The following ZNF33B variants were observed in gnomAD, a reference collection of about 807,000 sequenced individuals.
ZNF33B encodes the protein zinc finger protein 11b (KOX 2).
ZNF33B carries 29 observed loss-of-function variants against 45.8 expected under a neutral mutation model. The ratio of observed to expected loss-of-function variants is 0.63; its 90% confidence interval spans 0.47 to 0.86. The LOEUF (loss-of-function observed/expected upper bound fraction) is 0.86. ZNF33B is among the 40% of genes least tolerant of loss of function. The probability of loss-of-function intolerance (pLI) is 0.00; values close to 1 mark genes in which losing one functional copy is unlikely to be tolerated. For missense variants in ZNF33B, 831 were observed against 909.9 expected, an observed-to-expected ratio of 0.91 and a Z score of 1.12; for synonymous variants, 305 against 307.8, an observed-to-expected ratio of 0.99 and a Z score of 0.10.
At chr10:42,604,717 C>T (rs570316796) in intron 4 of ZNF33B, among the ~76,000 whole-genome samples, 1 of 152,054 alleles carries the variant, frequency 6.6e-6, no homozygotes, top group Non-Finnish European at 1.5e-5. Context: ...AGTTCGAGAC[C>T]AGCCTGACCA....
intron 4 of ZNF33B, among the ~76,000 whole-genome samples, chr10:42,630,805 C>T (rs1286884756): frequency 6.6e-6 from 1 of 152,090 alleles, no homozygotes; most frequent in African/African-American, 2.4e-5. Flanking sequence ...TGAAAATCTA[C>T]CACTAAACAG....
intron 4 of ZNF33B, among the ~76,000 whole-genome samples, chr10:42,605,502 G>C (rs1837804471): frequency 6.6e-6 from 1 of 152,080 alleles, no homozygotes; most frequent in South Asian, 2.1e-4. Context: ...TTGCAAAACA[G>C]AGGGTGAAAA....
intron 4 of ZNF33B, among the ~76,000 whole-genome samples, chr10:42,627,041 T>G (rs889015432): frequency 1.3e-5 from 2 of 151,970 alleles, no homozygotes; most frequent in African/African-American, 4.8e-5. Flanking sequence ...TTTGCTCTGT[T>G]GCCCAGGCTA....
At chr10:42,607,576 A>T (rs1837916524) in intron 4 of ZNF33B, among the ~76,000 whole-genome samples, 1 of 152,170 alleles carries the variant, frequency 6.6e-6, no homozygotes, top group Non-Finnish European at 1.5e-5. Context: ...GCAGAAATAA[A>T]AGGAATAGAG....
chr10:42,632,210 G>A, intron 3 of ZNF33B, 85 bp downstream of exon 3: 3 of 1,543,800 alleles, frequency 1.9e-6, no homozygotes, highest in Non-Finnish European at 2.6e-6. Flanking sequence ...CCTAAATAAT[G>A]TCATTAAACT....
intron 4 of ZNF33B, among the ~76,000 whole-genome samples, chr10:42,599,176 A>G (rs1837520412): frequency 6.6e-6 from 1 of 152,042 alleles, no homozygotes; most frequent in South Asian, 2.1e-4. Flanking sequence ...GTGATACATC[A>G]TTCTTATTTT....
chr10:42,638,334 A>G (rs1478313161), intron 1 of ZNF33B, 140 bp downstream of exon 1: 2 of 310,728 alleles, frequency 6.4e-6, no homozygotes, highest in African/African-American at 2.2e-5. Flanking sequence ...CCTGGTAGAC[A>G]TGCTGCAGCC....
At chr10:42,620,205 G>C (rs1455273449) in intron 4 of ZNF33B, among the ~76,000 whole-genome samples, 1 of 134,006 alleles carries the variant, frequency 7.5e-6, no homozygotes, top group Non-Finnish European at 1.5e-5. Context: ...AACAGAGCAA[G>C]ACTTTGGTCT....
downstream of ZNF33B, among the ~76,000 whole-genome samples, chr10:42,586,332 G>A (rs1401556602): frequency 2.0e-5 from 3 of 152,020 alleles, no homozygotes; most frequent in Non-Finnish European, 2.9e-5. Flanking sequence ...TGTATTTTTA[G>A]TAGAGACGGG....
intron 4 of ZNF33B, among the ~76,000 whole-genome samples, chr10:42,611,898 G>A (rs1279899346): frequency 1.3e-5 from 2 of 152,166 alleles, no homozygotes; most frequent in Admixed American, 1.3e-4. Context: ...TACAAACACA[G>A]AAAGTTTTAT....
chr10:42,586,339 C>T (rs761417082), downstream of ZNF33B, among the ~76,000 whole-genome samples: 1 of 151,946 alleles, frequency 6.6e-6, no homozygotes, highest in East Asian at 1.9e-4. Flanking sequence ...TTAGTAGAGA[C>T]GGGGTTTCAC....
intron 4 of ZNF33B, among the ~76,000 whole-genome samples, chr10:42,623,211 G>A (rs1378074661): frequency 7.9e-5 from 12 of 152,256 alleles, no homozygotes; most frequent in African/African-American, 2.4e-5. Flanking sequence ...AGGCTGTGGT[G>A]AGCCGAGATC....
intron 4 of ZNF33B, among the ~76,000 whole-genome samples, chr10:42,624,891 G>A (rs975578076): frequency 3.3e-5 from 5 of 152,066 alleles, no homozygotes; most frequent in Non-Finnish European, 7.4e-5. Flanking sequence ...AACCACAGTT[G>A]ACCTCAGGTA....
chr10:42,596,040 A>G (rs1170280791), intron 4 of ZNF33B, among the ~76,000 whole-genome samples: 1 of 152,150 alleles, frequency 6.6e-6, no homozygotes, highest in African/African-American at 2.4e-5. Context: ...AGAAAATTGG[A>G]TCAGAAAGAA....
chr10:42,622,910 A>C (rs947309964), intron 4 of ZNF33B, among the ~76,000 whole-genome samples: 2 of 152,254 alleles, frequency 1.3e-5, no homozygotes, highest in Non-Finnish European at 2.9e-5. Context: ...AGAAAACATA[A>C]GGAAAACTTT....
chr10:42,612,208 T>C (rs1394473981), intron 4 of ZNF33B, among the ~76,000 whole-genome samples: 1 of 151,638 alleles, frequency 6.6e-6, no homozygotes, highest in Non-Finnish European at 1.5e-5. Flanking sequence ...CTGTAGCCTG[T>C]TGACGTGGCA....
intron 4 of ZNF33B, among the ~76,000 whole-genome samples, chr10:42,599,232 ATCT>A (rs1837525023): frequency 1.3e-5 from 2 of 151,964 alleles, no homozygotes; most frequent in African/African-American, 4.8e-5. Context: ...CATTTTATCG[ATCT>A]TCTCAATGAA....
At chr10:42,598,942 G>C (rs1056961271) in intron 4 of ZNF33B, among the ~76,000 whole-genome samples, 21 of 151,786 alleles carry the variant, frequency 1.4e-4, no homozygotes, top group African/African-American at 5.1e-4. Flanking sequence ...GAATTTTCTG[G>C]AAAAGTCTTT....
intron 4 of ZNF33B, among the ~76,000 whole-genome samples, chr10:42,628,174 CCTGG>C (rs1169240114): frequency 1.3e-5 from 2 of 152,178 alleles, no homozygotes; most frequent in Non-Finnish European, 2.9e-5. Context: ...CGCCACCATG[CCTGG>C]CTAATTTTTG....
Sources: gnomAD v4.1 joint callset for allele counts (sites outside exome capture counted in the v4.1 genomes callset) on GRCh38, gnomAD v4.1.1 for gene constraint, MANE v1.5 for transcripts, NCBI Gene and HGNC (gene_info 2026-07-23, HGNC 2026-07-21) for gene names.